The following CAMTA1 variants were observed in gnomAD, a reference collection of about 807,000 sequenced individuals.
CAMTA1 encodes the protein calmodulin binding transcription activator 1, also known as calmodulin-binding transcription activator 1.
Under a neutral mutation model 170.9 loss-of-function variants are expected in CAMTA1, and 27 were observed. The ratio of observed to expected loss-of-function variants is 0.16; its 90% CI spans 0.12 to 0.22. CAMTA1 has a LOEUF of 0.22. Among genes scored for constraint, CAMTA1 ranks in the 10% least tolerant of loss-of-function variants. The pLI is 1.00. For missense variants in CAMTA1, 1,619 were observed against 2,217.2 expected (o/e 0.73, Z 5.42); for synonymous variants, 833 against 891.5 (o/e 0.93, Z 1.17).
chr1:7,700,997 C>G (rs1260749661), intron 11 of CAMTA1: 2 of 152,224 alleles, frequency 1.3e-5, no homozygotes, highest in Admixed American at 1.3e-4. Flanking sequence ...TGGCATTACT[C>G]TCCAGCCTGG....
chr1:7,690,020 G>A (rs549585312), intron 11 of CAMTA1, among the ~76,000 whole-genome samples: 4 of 152,252 alleles, frequency 2.6e-5, no homozygotes, highest in South Asian at 4.1e-4. Flanking sequence ...TTAGCCAGGC[G>A]TGGTGGCAGG....
intron 6 of CAMTA1, among the ~76,000 whole-genome samples, chr1:7,479,339 C>T (rs2093475164): frequency 6.6e-6 from 1 of 152,196 alleles, no homozygotes. Context: ...GTCACTGCGC[C>T]ACAAGCCTCC....
Position 6,909,509 on chromosome 1 carries a change from G to A in CAMTA1, c.234+84299G>A, listed in dbSNP as rs78354342. On this transcript the variant is annotated intron_variant, in intron 3 of 22. Transcript: ENST00000303635. ...TGGGGCGGGGGGCCTCTACCCTGCAGTGGGCTCTACAGCAGACCCTTGGGC... is the reference window on the plus strand; with the variant it reads ...TGGGGCGGGGGGCCTCTACCCTGCAATGGGCTCTACAGCAGACCCTTGGGC... Among the ~76,000 whole-genome samples, 15 of 152,364 alleles carry A rather than the reference G, an allele frequency of 9.8e-5. 1 individual carries two copies. In the East Asian group the frequency reaches 2.9e-3, roughly 29 times the overall value.
At chr1:7,637,339 CCCTGGGCGG>C (rs1329186229) in intron 6 of CAMTA1, among the ~76,000 whole-genome samples, 2 of 152,230 alleles carry the variant, frequency 1.3e-5, no homozygotes, top group Non-Finnish European at 2.9e-5. Flanking sequence ...TCAGAGGCAG[CCCTGGGCGG>C]CCTGCTGGCC....
chr1:6,886,734 A>G (rs749562267), intron 3 of CAMTA1, among the ~76,000 whole-genome samples: 1 of 152,252 alleles, frequency 6.6e-6, no homozygotes, highest in Non-Finnish European at 1.5e-5. Context: ...ATGAAAACTC[A>G]TGAGCACAGT....
chr1:7,656,992 C>G (rs897378445), intron 7 of CAMTA1, among the ~76,000 whole-genome samples: 6 of 152,242 alleles, frequency 3.9e-5, no homozygotes, highest in African/African-American at 1.2e-4. Flanking sequence ...GATCCTCACA[C>G]AGGCCGCGCT....
intron 4 of CAMTA1, among the ~76,000 whole-genome samples, chr1:7,222,715 C>T (rs1283524447): frequency 3.9e-5 from 6 of 152,218 alleles, no homozygotes; most frequent in South Asian, 2.1e-4. Context: ...CTGATGGCAA[C>T]GGTCCCACCT....
intron 3 of CAMTA1, among the ~76,000 whole-genome samples, chr1:6,999,628 C>T (rs1697898431): frequency 2.0e-5 from 3 of 152,182 alleles, no homozygotes; most frequent in African/African-American, 4.8e-5. Flanking sequence ...AGTGATCTGC[C>T]TACCCCAGCC....
chr1:7,269,952 G>C (rs562747347), intron 5 of CAMTA1, among the ~76,000 whole-genome samples: 19 of 151,938 alleles, frequency 1.3e-4, no homozygotes, highest in Non-Finnish European at 2.6e-4. Context: ...CTTTTAATTA[G>C]GCAGAGAAAA....
chr1:7,398,187 CTCTCTCTATATAT>C (rs2089544972), intron 5 of CAMTA1, among the ~76,000 whole-genome samples: 1 of 38,222 alleles, frequency 2.6e-5, no homozygotes, highest in African/African-American at 1.2e-4. Flanking sequence ...CTCTCTCTCT[CTCTCTCTATATAT>C]ATATATATAT....
At chr1:7,133,252 T>C (rs1177860157) in intron 4 of CAMTA1, among the ~76,000 whole-genome samples, 3 of 152,228 alleles carry the variant, frequency 2.0e-5, no homozygotes, top group East Asian at 3.8e-4. Flanking sequence ...TAACTGTACA[T>C]TTAATTTTAA....
intron 4 of CAMTA1, among the ~76,000 whole-genome samples, chr1:7,097,404 C>T (rs1642206917): frequency 6.6e-6 from 1 of 152,194 alleles, no homozygotes; most frequent in Non-Finnish European, 1.5e-5. Flanking sequence ...TCCTAGACAG[C>T]CCTTGGGGTC....
At chr1:7,535,854 G>A (rs1575859871) in intron 6 of CAMTA1, among the ~76,000 whole-genome samples, 1 of 152,196 alleles carries the variant, frequency 6.6e-6, no homozygotes, top group Admixed American at 6.5e-5. Flanking sequence ...GGAACCTGGG[G>A]CGCTGCCACA....
intron 6 of CAMTA1, among the ~76,000 whole-genome samples, chr1:7,481,308 C>T (rs901965445): frequency 6.6e-6 from 1 of 152,222 alleles, no homozygotes; most frequent in Non-Finnish European, 1.5e-5. Context: ...GACCTGTACC[C>T]TTGACCTTGG....
At position 7,195,318 on chromosome 1, in the gene CAMTA1, G is replaced by A. The variant is rs1052097557; in HGVS notation, c.303-54173G>A. Among the ~76,000 whole-genome samples, 3 of 152,154 alleles carry A rather than the reference G, an allele frequency of 2.0e-5. No homozygotes were observed. The highest frequency in any genetic ancestry group is 4.4e-5 in the Non-Finnish European group (3 of 68,022). ...AAATGCAAGTGGAAATGACAAGTGC[G>A]ACTTCATGGCACAGATTTTCGGAGT... On this transcript the variant is annotated intron_variant, in intron 4 of 22. Transcript: ENST00000303635. The surrounding 1 kb of genome is among the most constrained non-coding windows in gnomAD (Gnocchi z 4.1).
At position 7,043,716 on chromosome 1, in the gene CAMTA1, A is replaced by G. The variant is rs186203722; in HGVS notation, c.235-47588A>G. Reference sequence around the variant, plus strand: ...GGCTCCTGAAGGTTGGTTCCAGGGAAGCTGTTTTCGTCTTCGGTGGGTGGC... The same window carrying G: ...GGCTCCTGAAGGTTGGTTCCAGGGAGGCTGTTTTCGTCTTCGGTGGGTGGC... On this transcript the variant is annotated intron_variant, in intron 3 of 22. Coordinates refer to ENST00000303635, the MANE Select transcript of CAMTA1 (RefSeq NM_015215.4). Among the ~76,000 whole-genome samples, 465 of 151,988 alleles carry G rather than the reference A, an allele frequency of 3.1e-3. 2 individuals are homozygous for G. Among genetic ancestry groups the G allele is most frequent in the African/African-American group, 0.011 (446 of 41,482 alleles).
chr1:7,063,397 C>T lies in CAMTA1; in HGVS notation c.235-27907C>T, dbSNP rs183577291. 8.7e-4 allele frequency among the ~76,000 whole-genome samples: 132 copies of T among 152,354 alleles called. No homozygotes were observed. In the Middle Eastern group the frequency reaches 0.01, roughly 12 times the overall value. On this transcript the variant is annotated intron_variant, in intron 3 of 22. Transcript: ENST00000303635. This position sits in a 1 kb window ranked among gnomAD's most constrained non-coding sequence, Gnocchi z 4.3. Reference sequence around the variant, plus strand: ...CCCGTTTGACCACGACACCACCGCACCTCCCTGCCCTTTATCTTAGCAGGG... The same window carrying T: ...CCCGTTTGACCACGACACCACCGCATCTCCCTGCCCTTTATCTTAGCAGGG...
intron 11 of CAMTA1, 27 bp downstream of exon 11, chr1:7,677,760 C>A: frequency 6.2e-7 from 1 of 1,604,876 alleles, no homozygotes; most frequent in Non-Finnish European, 8.5e-7. Context: ...GGTCGTCTTG[C>A]CAGGCACCAA....
intron 11 of CAMTA1, among the ~76,000 whole-genome samples, chr1:7,691,386 C>T (rs1303524102): frequency 6.6e-6 from 1 of 152,164 alleles, no homozygotes; most frequent in Non-Finnish European, 1.5e-5. Flanking sequence ...AGGAAAGCCA[C>T]TGAGGGCTCG....
Sources: gnomAD v4.1 joint callset for allele counts (sites outside exome capture counted in the v4.1 genomes callset) on GRCh38, gnomAD v4.1.1 for gene constraint, Gnocchi (gnomAD v3.1) non-coding constraint, MANE v1.5 for transcripts, NCBI Gene and HGNC (gene_info 2026-07-23, HGNC 2026-07-21) for gene names.